Variants in RBFOX1 observed in about 807,000 individuals in gnomAD.
RBFOX1 encodes the protein RNA binding fox-1 homolog 1.
In RBFOX1, 8 loss-of-function variants were observed where a neutral mutation model predicts 57.7. The observed-to-expected ratio is 0.14, with a 90% CI of 0.08 to 0.25. The LOEUF (loss-of-function observed/expected upper bound fraction) is 0.25. RBFOX1 is among the 10% of genes least tolerant of loss of function. RBFOX1 has a pLI of 1.00. For missense variants in RBFOX1, 611 were observed against 548.5 expected (o/e 1.11, Z -1.14); for synonymous variants, 326 against 222.4 (o/e 1.47, Z -4.15).
chr16:6,861,492 C>T (rs562917687), intron 3 of RBFOX1, among the ~76,000 whole-genome samples: 6 of 151,370 alleles, frequency 4.0e-5, no homozygotes, highest in South Asian at 2.1e-4. Flanking sequence ...CCCCCTCCCC[C>T]CCCGACTCAA....
At chr16:7,626,831 A>T (rs1166061684) in intron 10 of RBFOX1, among the ~76,000 whole-genome samples, 1 of 152,214 alleles carries the variant, frequency 6.6e-6, no homozygotes, top group Non-Finnish European at 1.5e-5. Flanking sequence ...TTAAAAATGT[A>T]TTATAATTCA....
chr16:7,342,645 T>G (rs1366641648), intron 4 of RBFOX1, among the ~76,000 whole-genome samples: 1 of 152,166 alleles, frequency 6.6e-6, no homozygotes, highest in African/African-American at 2.4e-5. Context: ...AGGACACATG[T>G]GTTTGGCCTG....
chr16:7,279,206 A>G (rs2095497209), intron 4 of RBFOX1, among the ~76,000 whole-genome samples: 1 of 151,452 alleles, frequency 6.6e-6, no homozygotes, highest in Non-Finnish European at 1.5e-5. Context: ...TGACTTACAC[A>G]GAGGAAGCTT....
intron 4 of RBFOX1, among the ~76,000 whole-genome samples, chr16:7,378,053 A>G (rs1332939381): frequency 6.6e-6 from 1 of 152,140 alleles, no homozygotes; most frequent in Non-Finnish European, 1.5e-5. Context: ...GAGCAAAGAG[A>G]CTCCGGTGGC....
chr16:7,357,832 C>G (rs753544576), intron 4 of RBFOX1, among the ~76,000 whole-genome samples: 1 of 152,192 alleles, frequency 6.6e-6, no homozygotes, highest in Non-Finnish European at 1.5e-5. Context: ...CTTTGTTACT[C>G]TCCTCTAAGG....
intron 3 of RBFOX1, among the ~76,000 whole-genome samples, chr16:5,700,293 G>GC (rs1567415184): frequency 6.7e-6 from 1 of 148,470 alleles, no homozygotes; most frequent in East Asian, 2.0e-4. Flanking sequence ...CACTTTGACA[G>GC]TTTTTTTTTT....
At position 7,163,815 on chromosome 16, in the gene RBFOX1, C is replaced by T. The variant is rs150905116; in HGVS notation, c.27+111717C>T. 3.6e-3 allele frequency among the ~76,000 whole-genome samples: 541 copies of T among 152,172 alleles called. 3 individuals are homozygous for T. The highest frequency in any genetic ancestry group is 0.012 in the African/African-American group (518 of 41,508). On this transcript the variant is annotated intron_variant, in intron 4 of 15. Coordinates refer to ENST00000550418, the MANE Select transcript of RBFOX1 (RefSeq NM_018723.4). ...GGGACTGTAGGCGCATGCCACCACA[C>T]CCAGCTAATTTTTGTATTGTTTTTG... is the stretch of plus-strand genomic sequence containing the variant.
intron 3 of RBFOX1, among the ~76,000 whole-genome samples, chr16:6,945,400 G>C (rs1305170576): frequency 6.7e-6 from 1 of 149,146 alleles, no homozygotes; most frequent in African/African-American, 2.4e-5. Context: ...GCCATTTCTA[G>C]ATGGCCATGC....
At chr16:6,306,741 C>G (rs1053081651) in intron 1 of RBFOX1, among the ~76,000 whole-genome samples, 1 of 152,136 alleles carries the variant, frequency 6.6e-6, no homozygotes, top group Non-Finnish European at 1.5e-5. Flanking sequence ...TTCTGCCTGT[C>G]TTTTATCATT....
chr16:7,210,235 G>A lies in RBFOX1; in HGVS notation c.27+158137G>A, dbSNP rs890405523. Among the ~76,000 whole-genome samples the A allele has an allele frequency of 4.6e-5, 7 of 152,258 alleles. No homozygotes were observed. The East Asian group carries it at 1.2e-3, about 25-fold the overall frequency. ...ACTTCTATAGGTTAAGAGATTTATTGCAAGGGAGTACTTATAGGATTGCGA... is the reference window on the plus strand; with the variant it reads ...ACTTCTATAGGTTAAGAGATTTATTACAAGGGAGTACTTATAGGATTGCGA... On this transcript the variant is annotated intron_variant, in intron 4 of 15. Coordinates refer to ENST00000550418, the MANE Select transcript of RBFOX1 (RefSeq NM_018723.4).
intron 3 of RBFOX1, among the ~76,000 whole-genome samples, chr16:5,652,920 C>T (rs1478537641): frequency 6.6e-6 from 1 of 152,148 alleles, no homozygotes; most frequent in Non-Finnish European, 1.5e-5. Flanking sequence ...GGCATCTTAC[C>T]CTTCCTTTCT....
At chr16:7,029,088 ACACACACACACACAC>A in intron 3 of RBFOX1, among the ~76,000 whole-genome samples, 1 of 13,422 alleles carries the variant, frequency 7.5e-5, no homozygotes, top group Non-Finnish European at 1.2e-4. Flanking sequence ...ATATACACAC[ACACACACACACACAC>A]ACACACACAC....
At chr16:6,949,937 T>A (rs1338948249) in intron 3 of RBFOX1, among the ~76,000 whole-genome samples, 1 of 143,376 alleles carries the variant, frequency 7.0e-6, no homozygotes, top group African/African-American at 2.5e-5. Context: ...CTGAGTACGT[T>A]TTTTTGTTGT....
Position 5,398,788 on chromosome 16 carries a change from G to A in RBFOX1, c.220-68428G>A, listed in dbSNP as rs150104989. On this transcript the variant is annotated intron_variant, in intron 1 of 2. Coordinates refer to the RBFOX1 transcript ENST00000585867. ...AAGATATTTGGGACAGTTCTGGTGA[G>A]CAGCACGTTGGAAACCCTGCGCTCA... 2.0e-3 allele frequency among the ~76,000 whole-genome samples: 302 copies of A among 152,272 alleles called. 1 individual carries two copies. Among genetic ancestry groups the A allele is most frequent in the African/African-American group, 6.9e-3 (287 of 41,560 alleles).
chr16:6,166,057 C>T (rs545368737), intron 1 of RBFOX1, among the ~76,000 whole-genome samples: 14 of 152,240 alleles, frequency 9.2e-5, no homozygotes, highest in South Asian at 4.1e-4. Flanking sequence ...TGCAAAGGGC[C>T]GCAATTCTCA....
At chr16:7,582,649 C>T (rs2152857812) in intron 6 of RBFOX1, among the ~76,000 whole-genome samples, 1 of 152,266 alleles carries the variant, frequency 6.6e-6, no homozygotes, top group African/African-American at 2.4e-5. Context: ...GTCATAGTTA[C>T]TGCAAGAAAC....
chr16:7,292,393 AT>A (rs1643711413), intron 4 of RBFOX1, among the ~76,000 whole-genome samples: 1 of 141,450 alleles, frequency 7.1e-6, no homozygotes, highest in African/African-American at 2.6e-5. Flanking sequence ...TACATGATAT[AT>A]AATATGTAAT....
At chr16:7,022,501 T>C (rs1292236512) in intron 3 of RBFOX1, among the ~76,000 whole-genome samples, 2 of 152,132 alleles carry the variant, frequency 1.3e-5, no homozygotes, top group Non-Finnish European at 2.9e-5. Context: ...TTTTTCTTTC[T>C]TTATACTCCA....
chr16:5,765,609 C>T (rs977204022), intron 3 of RBFOX1, among the ~76,000 whole-genome samples: 1 of 152,158 alleles, frequency 6.6e-6, no homozygotes, highest in African/African-American at 2.4e-5. Flanking sequence ...CAGGTGGCTG[C>T]TATGGATTCT....
Sources: allele counts gnomAD v4.1 joint callset (sites outside exome capture counted in the v4.1 genomes callset), GRCh38; gene constraint gnomAD v4.1.1; transcripts MANE v1.5; gene names NCBI Gene and HGNC (gene_info 2026-07-23, HGNC 2026-07-21).